The following RPRD1A variants were observed in gnomAD, a reference collection of about 807,000 sequenced individuals.
RPRD1A encodes regulation of nuclear pre-mRNA domain containing 1A.
A neutral mutation model predicts 37.8 loss-of-function variants in RPRD1A; 9 were observed. The ratio of observed to expected loss-of-function variants is 0.24; its 90% confidence interval spans 0.14 to 0.42. The LOEUF is 0.42. Among genes scored for constraint, RPRD1A ranks in the 10% least tolerant of loss-of-function variants. The pLI, the probability that RPRD1A is intolerant of heterozygous loss-of-function variation, is 1.00. For missense variants in RPRD1A, 255 were observed against 371.0 expected, an observed-to-expected ratio of 0.69 and a Z score of 2.57; for synonymous variants, 138 against 139.7, an observed-to-expected ratio of 0.99 and a Z score of 0.08.
chr18:36,023,455 G>C (rs28454123), intron 6 of RPRD1A, among the ~76,000 whole-genome samples: 1 of 152,126 alleles, frequency 6.6e-6, no homozygotes, highest in South Asian at 2.1e-4. Context: ...TGCTTCTTAT[G>C]GATGGGCAAA....
intron 6 of RPRD1A, among the ~76,000 whole-genome samples, chr18:36,015,373 C>T (rs568833737): frequency 4.6e-5 from 7 of 152,080 alleles, no homozygotes; most frequent in East Asian, 3.9e-4. Context: ...CCACCACGTC[C>T]GGCTAATTTT....
intron 1 of RPRD1A, chr18:36,064,362 A>AG (rs2088977457): frequency 6.6e-6 from 1 of 152,408 alleles, no homozygotes; most frequent in Admixed American, 6.5e-5. Context: ...AGGTGCCGCA[A>AG]AGTCCCGCGG....
intron 1 of RPRD1A, among the ~76,000 whole-genome samples, chr18:36,044,881 CA>C (rs1234278946): frequency 6.6e-6 from 1 of 151,606 alleles, no homozygotes; most frequent in Non-Finnish European, 1.5e-5. Context: ...AAAAGGGCAT[CA>C]AAAATAAAAA....
At chr18:36,001,361 A>G (rs1490952824) in intron 6 of RPRD1A, among the ~76,000 whole-genome samples, 2 of 152,150 alleles carry the variant, frequency 1.3e-5, no homozygotes, top group African/African-American at 4.8e-5. Flanking sequence ...TAAAGAAATG[A>G]CCCTCCATAA....
intron 6 of RPRD1A, among the ~76,000 whole-genome samples, chr18:36,000,026 T>G (rs1909322231): frequency 6.6e-6 from 1 of 152,170 alleles, no homozygotes; most frequent in African/African-American, 2.4e-5. Context: ...AACTGAAGTA[T>G]TAATCAAGAT....
At chr18:36,019,102 A>ATT (rs946306446) in intron 6 of RPRD1A, among the ~76,000 whole-genome samples, 1,791 of 118,470 alleles carry the variant, frequency 0.015, 53 homozygotes, top group African/African-American at 0.04. Flanking sequence ...GGGACCATTG[A>ATT]TTTTTTTTTT....
chr18:36,029,291 A>G (rs1911595302), intron 4 of RPRD1A, among the ~76,000 whole-genome samples: 1 of 152,104 alleles, frequency 6.6e-6, no homozygotes, highest in Non-Finnish European at 1.5e-5. Flanking sequence ...TGGGGGAAAG[A>G]GCTCCTCCCA....
At chr18:36,017,077 A>G (rs1023525481) in intron 6 of RPRD1A, among the ~76,000 whole-genome samples, 3 of 152,040 alleles carry the variant, frequency 2.0e-5, no homozygotes, top group Non-Finnish European at 4.4e-5. Flanking sequence ...AGGCGAGGGC[A>G]GGTGGATCAC....
intron 6 of RPRD1A, among the ~76,000 whole-genome samples, chr18:36,010,306 A>G: frequency 6.6e-6 from 1 of 150,882 alleles, no homozygotes; most frequent in Non-Finnish European, 1.5e-5. Flanking sequence ...TTGTCTCTAT[A>G]AAAAAAATAA....
At chr18:36,011,206 T>C (rs528656091) in intron 6 of RPRD1A, among the ~76,000 whole-genome samples, 1 of 152,314 alleles carries the variant, frequency 6.6e-6, no homozygotes, top group African/African-American at 2.4e-5. Context: ...GGTACAATTA[T>C]TATCCCTATT....
Position 36,049,501 on chromosome 18 carries a change from C to A in RPRD1A, c.152-15664G>T, listed in dbSNP as rs572049409. Among the ~76,000 whole-genome samples the A allele has an allele frequency of 7.9e-5, 12 of 152,226 alleles. No homozygotes were observed. The East Asian group carries it at 2.1e-3, about 27-fold the overall frequency. On this transcript the variant is annotated intron_variant, in intron 1 of 6. Coordinates refer to ENST00000399022, the MANE Select transcript of RPRD1A (RefSeq NM_018170.5). Reference sequence around the variant, plus strand: ...GGAAGAAAATTCATGTATACATGGACCCACAAAGGTCAGACCTATCAATGT... The same window carrying A: ...GGAAGAAAATTCATGTATACATGGAACCACAAAGGTCAGACCTATCAATGT...
At chr18:36,025,155 G>C (rs540219055) in intron 6 of RPRD1A, 1 of 152,578 alleles carries the variant, frequency 6.6e-6, no homozygotes, top group African/African-American at 2.4e-5. Context: ...GTGTCTTTTT[G>C]ATGAAGTGCA....
At chr18:35,993,507 G>A (rs539348045) in intron 6 of RPRD1A, among the ~76,000 whole-genome samples, 7 of 152,330 alleles carry the variant, frequency 4.6e-5, no homozygotes, top group African/African-American at 1.7e-4. Context: ...ACAATCTTTA[G>A]CTGTTGCTTC....
At chr18:36,059,095 A>G (rs987333237) in intron 1 of RPRD1A, among the ~76,000 whole-genome samples, 1 of 152,214 alleles carries the variant, frequency 6.6e-6, no homozygotes, top group African/African-American at 2.4e-5. Context: ...ACATCTATCA[A>G]AACATCAAAC....
At chr18:36,004,244 C>CA (rs1320871486) in intron 6 of RPRD1A, among the ~76,000 whole-genome samples, 1 of 151,928 alleles carries the variant, frequency 6.6e-6, no homozygotes, top group East Asian at 1.9e-4. Flanking sequence ...GGCACACTGA[C>CA]AGACTTCCAA....
chr18:36,050,528 A>G (rs1272319916), intron 1 of RPRD1A, among the ~76,000 whole-genome samples: 2 of 152,170 alleles, frequency 1.3e-5, no homozygotes, highest in African/African-American at 4.8e-5. Flanking sequence ...ATATACATAA[A>G]AAAAAAACTA....
intron 5 of RPRD1A, 46 bp downstream of exon 5, chr18:36,027,138 C>A: frequency 6.2e-7 from 1 of 1,612,588 alleles, no homozygotes; most frequent in Non-Finnish European, 8.5e-7. Context: ...GCTGTTCTCT[C>A]ATCCCAACTC....
At chr18:36,027,374 T>C in intron 4 of RPRD1A, 64 bp from the exon 5 acceptor site, 2 of 1,536,210 alleles carry the variant, frequency 1.3e-6, no homozygotes, top group South Asian at 1.1e-5. Flanking sequence ...AAGACTTTAA[T>C]TTCATATTCT....
chr18:36,008,033 A>C (rs1013526193), intron 6 of RPRD1A, among the ~76,000 whole-genome samples: 1 of 151,604 alleles, frequency 6.6e-6, no homozygotes, highest in East Asian at 1.9e-4. Context: ...TTATGTCCAA[A>C]GAGTTTGAGA....
Sources: allele counts gnomAD v4.1 joint callset (sites outside exome capture counted in the v4.1 genomes callset), GRCh38; gene constraint gnomAD v4.1.1; transcripts MANE v1.5; gene names NCBI Gene and HGNC (gene_info 2026-07-23, HGNC 2026-07-21).